Variants in ZNF385D observed in about 807,000 individuals in gnomAD.
The protein encoded by ZNF385D is zinc finger protein 385D, also known as zinc finger protein 659.
ZNF385D carries 15 observed loss-of-function variants against 35.8 expected under a neutral mutation model. The observed-to-expected ratio is 0.42, with a 90% CI of 0.28 to 0.64. ZNF385D has a LOEUF of 0.64. Ranked by LOEUF, ZNF385D falls within the 30% of genes least tolerant of loss-of-function variation. The pLI is 0.23. For missense variants in ZNF385D, 474 were observed against 494.6 expected (o/e 0.96, Z 0.39); for synonymous variants, 212 against 186.8 (o/e 1.13, Z -1.10).
At chr3:21,441,250 TTAA>T (rs1249991888) in intron 4 of ZNF385D, among the ~76,000 whole-genome samples, 3 of 152,146 alleles carry the variant, frequency 2.0e-5, no homozygotes, top group African/African-American at 4.8e-5. Flanking sequence ...AATGAATAAA[TTAA>T]TAATAGCTAA....
At chr3:22,288,121 C>T (rs1702120250) in intron 2 of ZNF385D, among the ~76,000 whole-genome samples, 1 of 152,044 alleles carries the variant, frequency 6.6e-6, no homozygotes, top group South Asian at 2.1e-4. Context: ...AAAAAAAATC[C>T]ACTAATAGTT....
chr3:22,207,031 T>G (rs1307690975), intron 2 of ZNF385D, among the ~76,000 whole-genome samples: 2 of 151,412 alleles, frequency 1.3e-5, no homozygotes, highest in Non-Finnish European at 3.0e-5. Context: ...AATAAATAAA[T>G]AAAGAAGAGC....
At chr3:22,331,843 A>G (rs989070734) in intron 2 of ZNF385D, among the ~76,000 whole-genome samples, 1 of 152,240 alleles carries the variant, frequency 6.6e-6, no homozygotes, top group African/African-American at 2.4e-5. Flanking sequence ...CATCAGATTC[A>G]AAACTGACAT....
chr3:22,109,510 A>G (rs986477729), intron 3 of ZNF385D, among the ~76,000 whole-genome samples: 1 of 152,172 alleles, frequency 6.6e-6, no homozygotes, highest in Non-Finnish European at 1.5e-5. Flanking sequence ...ATGTTTGGAA[A>G]TGAATAAGTA....
intron 2 of ZNF385D, among the ~76,000 whole-genome samples, chr3:21,638,555 A>C (rs1426973211): frequency 5.9e-5 from 9 of 152,072 alleles, no homozygotes; most frequent in Admixed American, 5.9e-4. Flanking sequence ...CATAAAACTC[A>C]TGGTGCCTGA....
At chr3:22,147,858 C>G (rs1704960627) in intron 3 of ZNF385D, among the ~76,000 whole-genome samples, 1 of 152,146 alleles carries the variant, frequency 6.6e-6, no homozygotes, top group Non-Finnish European at 1.5e-5. Context: ...AAGAAATACT[C>G]TCTTTTGCTG....
chr3:21,731,145 T>C (rs2068977623), intron 1 of ZNF385D, among the ~76,000 whole-genome samples: 1 of 152,192 alleles, frequency 6.6e-6, no homozygotes, highest in Non-Finnish European at 1.5e-5. Flanking sequence ...CTTCACATAT[T>C]TGTACTTAAG....
chr3:22,269,302 A>G (rs1037768331), intron 2 of ZNF385D, among the ~76,000 whole-genome samples: 14 of 151,984 alleles, frequency 9.2e-5, no homozygotes, highest in African/African-American at 2.7e-4. Context: ...CTTGGTGGCT[A>G]TAAGACCACG....
intron 2 of ZNF385D, among the ~76,000 whole-genome samples, chr3:22,340,855 C>A (rs551731588): frequency 1.3e-5 from 2 of 152,302 alleles, no homozygotes; most frequent in South Asian, 4.1e-4. Flanking sequence ...GGGCAGGAGC[C>A]ATGTCAGCTT....
intron 1 of ZNF385D, among the ~76,000 whole-genome samples, chr3:21,711,039 G>GTTTGTTTTT (rs2068082896): frequency 1.2e-5 from 1 of 83,154 alleles, no homozygotes; most frequent in Non-Finnish European, 2.1e-5. Flanking sequence ...CCCTCTAAAA[G>GTTTGTTTTT]TTTTTTTTTT....
At chr3:21,905,236 C>G (rs965332457) in intron 3 of ZNF385D, among the ~76,000 whole-genome samples, 1 of 130,976 alleles carries the variant, frequency 7.6e-6, no homozygotes, top group Non-Finnish European at 1.6e-5. Flanking sequence ...AAACCCTAAA[C>G]CTGCCTTTAT....
chr3:21,750,166 C>T (rs2069992350), intron 1 of ZNF385D, among the ~76,000 whole-genome samples: 1 of 152,242 alleles, frequency 6.6e-6, no homozygotes, highest in African/African-American at 2.4e-5. Flanking sequence ...CGTTAGAGTG[C>T]AAATGCACAG....
intron 2 of ZNF385D, among the ~76,000 whole-genome samples, chr3:22,299,293 T>C (rs1702769391): frequency 6.6e-6 from 1 of 151,826 alleles, no homozygotes; most frequent in African/African-American, 2.4e-5. Context: ...AAAGAACAAG[T>C]AAAATTAAAG....
chr3:22,205,216 G>T (rs899205699), intron 2 of ZNF385D, among the ~76,000 whole-genome samples: 18 of 150,376 alleles, frequency 1.2e-4, no homozygotes, highest in African/African-American at 4.4e-4. Context: ...GACATGACAG[G>T]TTTAAAATGC....
At chr3:21,482,602 A>T (rs571788236) in intron 4 of ZNF385D, among the ~76,000 whole-genome samples, 4 of 152,290 alleles carry the variant, frequency 2.6e-5, no homozygotes, top group Non-Finnish European at 5.9e-5. Flanking sequence ...CCCTTTTTCA[A>T]ATTAGTGATG....
chr3:22,061,598 A>G (rs1357937440), intron 3 of ZNF385D, among the ~76,000 whole-genome samples: 1 of 152,204 alleles, frequency 6.6e-6, no homozygotes, highest in Non-Finnish European at 1.5e-5. Context: ...ATCCTCAATT[A>G]CATGTCCAGC....
chr3:22,046,548 AT>A (rs1699018198), intron 3 of ZNF385D, among the ~76,000 whole-genome samples: 1 of 152,230 alleles, frequency 6.6e-6, no homozygotes, highest in African/African-American at 2.4e-5. Context: ...AAGAAAAGTA[AT>A]TTTCTTGTCT....
At chr3:22,088,607 G>A (rs576556473) in intron 3 of ZNF385D, among the ~76,000 whole-genome samples, 1 of 152,270 alleles carries the variant, frequency 6.6e-6, no homozygotes, top group Admixed American at 6.5e-5. Context: ...GGCACCGGGA[G>A]AACAGAGCAA....
intron 3 of ZNF385D, among the ~76,000 whole-genome samples, chr3:22,013,493 T>G (rs1696702164): frequency 6.6e-6 from 1 of 152,146 alleles, no homozygotes. Flanking sequence ...AGGGACCTTT[T>G]GATGTTTGAT....
Sources: gnomAD v4.1 joint callset for allele counts (sites outside exome capture counted in the v4.1 genomes callset) on GRCh38, gnomAD v4.1.1 for gene constraint, MANE v1.5 for transcripts, NCBI Gene and HGNC (gene_info 2026-07-23, HGNC 2026-07-21) for gene names.